Variants in LRP1B observed in about 807,000 individuals in gnomAD.
The protein encoded by LRP1B is low-density lipoprotein receptor-related protein 1B.
LRP1B carries 217 observed loss-of-function variants against 556.6 expected under a neutral mutation model. The observed-to-expected ratio is 0.39, with a 90% CI of 0.35 to 0.44. The LOEUF (loss-of-function observed/expected upper bound fraction) is 0.44, where lower values mean the gene tolerates loss of function less well. LRP1B is among the 20% of genes least tolerant of loss of function. LRP1B has a pLI of 1.00. For synonymous variants in LRP1B, 2,047 were observed against 1,865.8 expected (o/e 1.10, Z -2.50); for missense variants, 5,053 against 5,620.8 (o/e 0.90, Z 3.23).
chr2:140,965,463 A>G (rs1214192366), intron 18 of LRP1B, among the ~76,000 whole-genome samples: 2 of 152,174 alleles, frequency 1.3e-5, no homozygotes, highest in African/African-American at 4.8e-5. Flanking sequence ...ATTCAGCATT[A>G]TAGATATATT....
chr2:141,114,407 A>G (rs1453535013), intron 7 of LRP1B, among the ~76,000 whole-genome samples: 1 of 152,052 alleles, frequency 6.6e-6, no homozygotes, highest in Non-Finnish European at 1.5e-5. Context: ...GATTTTACTG[A>G]GTGATGGAGG....
intron 3 of LRP1B, among the ~76,000 whole-genome samples, chr2:141,357,413 G>T (rs375019359): frequency 2.0e-5 from 3 of 152,180 alleles, no homozygotes; most frequent in Admixed American, 1.3e-4. Flanking sequence ...GTTTCAAAAT[G>T]TGATTCCTGA....
At chr2:140,740,226 C>A (rs936817692) in intron 35 of LRP1B, among the ~76,000 whole-genome samples, 2 of 152,166 alleles carry the variant, frequency 1.3e-5, no homozygotes, top group South Asian at 2.1e-4. Flanking sequence ...ATGTTTATAG[C>A]AGCACAACTT....
chr2:141,483,806 G>A (rs868766524), intron 2 of LRP1B, among the ~76,000 whole-genome samples: 6 of 151,472 alleles, frequency 4.0e-5, no homozygotes, highest in South Asian at 2.1e-4. Context: ...TTTTTGATGG[G>A]GTTGTTTGTT....
intron 1 of LRP1B, among the ~76,000 whole-genome samples, chr2:141,849,474 T>A (rs925038168): frequency 5.3e-5 from 8 of 151,688 alleles, no homozygotes; most frequent in Admixed American, 3.3e-4. Context: ...AAGTTTTACA[T>A]TTTAAAAAAT....
chr2:141,080,166 C>T (rs72851252), intron 7 of LRP1B, among the ~76,000 whole-genome samples: 21 of 152,194 alleles, frequency 1.4e-4, no homozygotes, highest in Non-Finnish European at 2.6e-4. Flanking sequence ...ATCAAGAAGC[C>T]CTTAATGGTG....
At chr2:140,926,246 A>G (rs1235338984) in intron 20 of LRP1B, among the ~76,000 whole-genome samples, 1 of 152,068 alleles carries the variant, frequency 6.6e-6, no homozygotes, top group Admixed American at 6.6e-5. Flanking sequence ...TAATGCACAT[A>G]CACATCATTA....
chr2:141,123,581 C>T (rs920870748), intron 7 of LRP1B, among the ~76,000 whole-genome samples: 1 of 152,104 alleles, frequency 6.6e-6, no homozygotes, highest in Non-Finnish European at 1.5e-5. Context: ...AGAATTATAA[C>T]ATATAATGAT....
intron 2 of LRP1B, among the ~76,000 whole-genome samples, chr2:141,674,836 G>A (rs1420445675): frequency 6.6e-6 from 1 of 151,900 alleles, no homozygotes; most frequent in Non-Finnish European, 1.5e-5. Context: ...CTTTATCAAA[G>A]GACATGTACA....
intron 35 of LRP1B, among the ~76,000 whole-genome samples, chr2:140,721,436 A>G (rs1687395300): frequency 1.3e-5 from 2 of 151,922 alleles, no homozygotes; most frequent in African/African-American, 4.8e-5. Context: ...TATATGTTAT[A>G]CAATGAAACT....
At chr2:141,914,805 T>C (rs4662566) in intron 1 of LRP1B, among the ~76,000 whole-genome samples, 130,933 of 152,102 alleles carry the variant, frequency 0.86, 56,519 homozygotes, top group East Asian at 1. Flanking sequence ...TAAGTGAAGA[T>C]GTCTACAAGA....
intron 1 of LRP1B, among the ~76,000 whole-genome samples, chr2:141,911,007 C>T (rs1529869): frequency 0.42 from 64,247 of 151,760 alleles, 13,950 homozygotes; most frequent in South Asian, 0.56. Flanking sequence ...CACACACACA[C>T]GTATACAGGT....
At chr2:141,569,675 T>A (rs1686458942) in intron 2 of LRP1B, among the ~76,000 whole-genome samples, 1 of 151,234 alleles carries the variant, frequency 6.6e-6, no homozygotes, top group Non-Finnish European at 1.5e-5. Context: ...GTTATTTGGA[T>A]TGATTCATAA....
At chr2:141,091,359 T>C (rs1382076066) in intron 7 of LRP1B, among the ~76,000 whole-genome samples, 1 of 152,146 alleles carries the variant, frequency 6.6e-6, no homozygotes, top group Non-Finnish European at 1.5e-5. Flanking sequence ...TATCAAAATA[T>C]TAATAATATT....
chr2:140,296,863 AAAATAT>A lies in LRP1B; in HGVS notation c.12967+939_12967+944del, dbSNP rs544258898. Among the ~76,000 whole-genome samples, 138 of 152,314 alleles carry A rather than the reference AAAATAT, an allele frequency of 9.1e-4. No homozygotes were observed. In the South Asian group the frequency reaches 0.028, roughly 31 times the overall value. On this transcript the variant is annotated intron_variant, in intron 84 of 90. Coordinates refer to ENST00000389484, the MANE Select transcript of LRP1B (RefSeq NM_018557.3). ...ACCTGACAGAGGTGGGATCAAAGAAAAAATATAAATAGAAGAATTGTGGACAACAAC... is the reference window on the plus strand; with the variant it reads ...ACCTGACAGAGGTGGGATCAAAGAAAAAATAGAAGAATTGTGGACAACAAC...
intron 1 of LRP1B, among the ~76,000 whole-genome samples, chr2:142,026,137 C>T (rs190750416): frequency 1.6e-3 from 247 of 152,136 alleles, no homozygotes; most frequent in African/African-American, 5.7e-3. Context: ...TTTATTTTTG[C>T]CTGCTTTTTG....
intron 2 of LRP1B, among the ~76,000 whole-genome samples, chr2:141,808,741 C>T (rs1696242136): frequency 6.6e-6 from 1 of 152,084 alleles, no homozygotes; most frequent in Non-Finnish European, 1.5e-5. Context: ...TCCTCATTCC[C>T]TTGCCTGTGT....
intron 7 of LRP1B, among the ~76,000 whole-genome samples, chr2:141,076,208 T>A (rs1343116117): frequency 1.3e-5 from 2 of 152,142 alleles, no homozygotes; most frequent in Non-Finnish European, 2.9e-5. Flanking sequence ...ATGAAGCTGG[T>A]GAAGGGAAAC....
At chr2:141,659,593 G>C (rs1053105805) in intron 2 of LRP1B, among the ~76,000 whole-genome samples, 3 of 152,062 alleles carry the variant, frequency 2.0e-5, no homozygotes, top group Non-Finnish European at 4.4e-5. Flanking sequence ...AGCAGGTTTT[G>C]GGTGGGTCTG....
Sources: gnomAD v4.1 joint callset for allele counts (sites outside exome capture counted in the v4.1 genomes callset) on GRCh38, gnomAD v4.1.1 for gene constraint, MANE v1.5 for transcripts, NCBI Gene and HGNC (gene_info 2026-07-23, HGNC 2026-07-21) for gene names.